The following CLVS2 variants were observed in gnomAD, a reference collection of about 807,000 sequenced individuals.
CLVS2 encodes clavesin-2.
CLVS2 carries 19 observed loss-of-function variants against 29.0 expected under a neutral mutation model. The ratio of observed to expected loss-of-function variants is 0.66; its 90% CI spans 0.46 to 0.96. CLVS2 has a LOEUF of 0.96. Ranked by LOEUF, CLVS2 falls within the 40% of genes least tolerant of loss-of-function variation. The pLI, the probability that CLVS2 is intolerant of heterozygous loss-of-function variation, is 0.00. For missense variants in CLVS2, 294 were observed against 404.1 expected, an observed-to-expected ratio of 0.73 and a Z score of 2.34; for synonymous variants, 161 against 151.3, an observed-to-expected ratio of 1.06 and a Z score of -0.47.
In CLVS2 at chr6:123,070,005, T is replaced by C. The variant is rs1252862859; in HGVS notation, c.*6244T>C. On this transcript the variant is annotated 3_prime_UTR_variant, in exon 6 of 6. Coordinates refer to ENST00000275162, the MANE Select transcript of CLVS2 (RefSeq NM_001010852.4). ...TATGAACATAATTCACTTAGTTGCA[T>C]ATGATTGAAATATTTGCATGCTGGT... is the stretch of plus-strand genomic sequence containing the variant. 1.3e-5 allele frequency: 2 copies of C among 151,986 alleles called. No homozygotes were observed. Among genetic ancestry groups the C allele is most frequent in the Non-Finnish European group, 2.9e-5 (2 of 67,924 alleles). The allele number at this position is 151,986 out of a possible 1,614,324, so 9.4% of individuals were successfully genotyped here. A position where few individuals can be genotyped will look rare whatever the true frequency, so the allele number is the denominator to read the frequency against.
At chr6:123,050,501 G>T (rs759804192) in intron 4 of CLVS2, among the ~76,000 whole-genome samples, 2 of 152,090 alleles carry the variant, frequency 1.3e-5, no homozygotes, top group African/African-American at 4.8e-5. Flanking sequence ...TCGTAGAGCC[G>T]GATACGTGAA....
intron 3 of CLVS2, among the ~76,000 whole-genome samples, chr6:123,029,306 G>A (rs144429701): frequency 8.2e-4 from 125 of 152,230 alleles, no homozygotes; most frequent in African/African-American, 2.7e-3. Context: ...CTGTGTTAAC[G>A]TAAAATTTCA....
At chr6:123,023,792 G>T (rs1251058088) in intron 3 of CLVS2, among the ~76,000 whole-genome samples, 1 of 152,034 alleles carries the variant, frequency 6.6e-6, no homozygotes, top group Non-Finnish European at 1.5e-5. Flanking sequence ...AATCTTGCCC[G>T]TATCATGTCC....
chr6:123,013,915 G>T (rs1476770569), intron 3 of CLVS2, among the ~76,000 whole-genome samples: 2 of 151,844 alleles, frequency 1.3e-5, no homozygotes, highest in Non-Finnish European at 2.9e-5. Flanking sequence ...GCAATGTTTG[G>T]TTTTTTATCC....
chr6:123,047,099 A>G (rs1772525294), intron 3 of CLVS2, among the ~76,000 whole-genome samples: 2 of 152,114 alleles, frequency 1.3e-5, no homozygotes, highest in Admixed American at 1.3e-4. Context: ...TCTTAGGGAA[A>G]CATTAAACTA....
chr6:123,016,128 G>T (rs71574805), intron 3 of CLVS2, among the ~76,000 whole-genome samples: 1 of 128,702 alleles, frequency 7.8e-6, no homozygotes, highest in African/African-American at 2.9e-5. Context: ...TGATAGAAAA[G>T]AAAAAGAAAA....
chr6:123,033,675 G>T lies in CLVS2; in HGVS notation c.565-14947G>T, dbSNP rs1307551542. Reference sequence around the variant, plus strand: ...TGGGCAAAGAGTTCTTAGACTTGGTGCCCAGAGCATAATCAAAAAATAAAA... The same window carrying T: ...TGGGCAAAGAGTTCTTAGACTTGGTTCCCAGAGCATAATCAAAAAATAAAA... On this transcript the variant is annotated intron_variant, in intron 3 of 5. Transcript: ENST00000275162. Among the ~76,000 whole-genome samples the T allele has an allele frequency of 2.6e-5, 4 of 152,082 alleles. No homozygotes were observed. In the South Asian group the frequency reaches 8.3e-4, roughly 32 times the overall value.
chr6:123,038,861 A>G (rs1316655933), intron 3 of CLVS2, among the ~76,000 whole-genome samples: 2 of 152,224 alleles, frequency 1.3e-5, no homozygotes, highest in Non-Finnish European at 2.9e-5. Flanking sequence ...TGAAACAAAC[A>G]TTCTTGCACA....
At chr6:123,032,352 C>T (rs545570461) in intron 3 of CLVS2, among the ~76,000 whole-genome samples, 1 of 152,092 alleles carries the variant, frequency 6.6e-6, no homozygotes, top group African/African-American at 2.4e-5. Flanking sequence ...GTAGGGGAGA[C>T]AAATATGTGT....
At chr6:123,049,404 G>A (rs950847463) in intron 4 of CLVS2, among the ~76,000 whole-genome samples, 1 of 152,044 alleles carries the variant, frequency 6.6e-6, no homozygotes, top group African/African-American at 2.4e-5. Context: ...ATTAAAATAA[G>A]TCTTGATGTA....
intron 4 of CLVS2, 136 bp from the exon 5 acceptor site, chr6:123,055,670 T>A: frequency 1.5e-6 from 1 of 659,358 alleles, no homozygotes; most frequent in Non-Finnish European, 2.7e-6. Context: ...ACAGAGTAGA[T>A]GACTGGCTAA....
At chr6:123,007,706 T>C (rs1034780985) in intron 2 of CLVS2, among the ~76,000 whole-genome samples, 19 of 152,198 alleles carry the variant, frequency 1.2e-4, no homozygotes, top group African/African-American at 4.3e-4. Flanking sequence ...CATGATTTCT[T>C]CTTACTGCAT....
At chr6:123,023,327 A>G (rs1248963529) in intron 3 of CLVS2, among the ~76,000 whole-genome samples, 1 of 151,956 alleles carries the variant, frequency 6.6e-6, no homozygotes, top group East Asian at 1.9e-4. Flanking sequence ...TGAATCTCAC[A>G]GTTTATGTGT....
intron 2 of CLVS2, among the ~76,000 whole-genome samples, chr6:123,008,137 G>A (rs1243988950): frequency 6.6e-6 from 1 of 152,092 alleles, no homozygotes; most frequent in Non-Finnish European, 1.5e-5. Flanking sequence ...GGAGTTAAGA[G>A]TGGTTTTGAC....
At chr6:123,014,383 T>C (rs1186919811) in intron 3 of CLVS2, among the ~76,000 whole-genome samples, 2 of 152,064 alleles carry the variant, frequency 1.3e-5, no homozygotes, top group African/African-American at 4.8e-5. Context: ...GCTAGCACCA[T>C]ATACCTTGTA....
At chr6:123,061,585 C>T (rs1031469716) in intron 5 of CLVS2, among the ~76,000 whole-genome samples, 4 of 152,184 alleles carry the variant, frequency 2.6e-5, no homozygotes, top group African/African-American at 4.8e-5. Flanking sequence ...ATTCATCATC[C>T]AACAATCCTC....
chr6:123,050,338 A>G (rs1562173804), intron 4 of CLVS2, among the ~76,000 whole-genome samples: 3 of 152,316 alleles, frequency 2.0e-5, no homozygotes, highest in South Asian at 4.1e-4. Flanking sequence ...TATTCACTCA[A>G]TGCCACATGC....
chr6:123,030,908 C>T (rs1775075528), intron 3 of CLVS2, among the ~76,000 whole-genome samples: 1 of 150,218 alleles, frequency 6.7e-6, no homozygotes, highest in Non-Finnish European at 1.5e-5. Context: ...CTCATATTCT[C>T]AAATATGTAT....
chr6:123,062,940 G>T (rs1318947154), intron 5 of CLVS2, among the ~76,000 whole-genome samples: 1 of 152,186 alleles, frequency 6.6e-6, no homozygotes, highest in Non-Finnish European at 1.5e-5. Flanking sequence ...TTCTCATATT[G>T]TTTCCTAATG....
Sources: allele counts gnomAD v4.1 joint callset (sites outside exome capture counted in the v4.1 genomes callset), GRCh38; gene constraint gnomAD v4.1.1; transcripts MANE v1.5; gene names NCBI Gene and HGNC (gene_info 2026-07-23, HGNC 2026-07-21).